The following ACAP2 variants were observed in gnomAD, a reference collection of about 807,000 sequenced individuals.
The protein encoded by ACAP2 is ArfGAP with coiled-coil, ankyrin repeat and PH domains 2, also known as arf-GAP with coiled-coil, ANK repeat and PH domain-containing protein 2.
A neutral mutation model predicts 115.8 loss-of-function variants in ACAP2; 39 were observed. The observed-to-expected ratio is 0.34, with a 90% CI of 0.26 to 0.44. The LOEUF is 0.44. Ranked by LOEUF, ACAP2 falls within the 20% of genes least tolerant of loss-of-function variation. The pLI is 1.00. For synonymous variants in ACAP2, 289 were observed against 315.8 expected (o/e 0.92, Z 0.90); for missense variants, 662 against 927.6 (o/e 0.71, Z 3.72).
At chr3:195,317,499 C>G (rs1729173882) in intron 10 of ACAP2, among the ~76,000 whole-genome samples, 1 of 151,866 alleles carries the variant, frequency 6.6e-6, no homozygotes, top group South Asian at 2.1e-4. Context: ...TTATTTTTGG[C>G]AAAAATAGAG....
intron 7 of ACAP2, among the ~76,000 whole-genome samples, chr3:195,334,343 T>C (rs1225593021): frequency 1.3e-5 from 2 of 151,982 alleles, no homozygotes; most frequent in Non-Finnish European, 2.9e-5. Flanking sequence ...CAATAAATTA[T>C]TTTAAAAATT....
intron 1 of ACAP2, among the ~76,000 whole-genome samples, chr3:195,428,575 AC>A (rs1714866954): frequency 6.6e-6 from 1 of 152,058 alleles, no homozygotes; most frequent in Non-Finnish European, 1.5e-5. Flanking sequence ...GTATCCTAGG[AC>A]CCAGAGGCTA....
intron 9 of ACAP2, chr3:195,325,505 A>C (rs1229500817): frequency 4.9e-6 from 2 of 411,972 alleles, no homozygotes; most frequent in Non-Finnish European, 9.3e-6. Context: ...CATAATAAGC[A>C]AAAAATAGCA....
chr3:195,375,340 C>G (rs1733452310), intron 4 of ACAP2, among the ~76,000 whole-genome samples: 1 of 151,972 alleles, frequency 6.6e-6, no homozygotes, highest in African/African-American at 2.4e-5. Flanking sequence ...GTGCCCTTAT[C>G]TCCCCATGAA....
chr3:195,382,591 T>C (rs1167786541), intron 2 of ACAP2, among the ~76,000 whole-genome samples: 1 of 151,906 alleles, frequency 6.6e-6, no homozygotes, highest in Non-Finnish European at 1.5e-5. Context: ...CTTGGGTAAA[T>C]GTCAAATATT....
intron 5 of ACAP2, among the ~76,000 whole-genome samples, chr3:195,344,597 T>C (rs1263090110): frequency 6.6e-6 from 1 of 152,136 alleles, no homozygotes; most frequent in African/African-American, 2.4e-5. Flanking sequence ...CTCAGCTCAC[T>C]GCAACCTCCA....
chr3:195,407,401 T>C (rs912998865), intron 1 of ACAP2, among the ~76,000 whole-genome samples: 1 of 151,950 alleles, frequency 6.6e-6, no homozygotes. Context: ...TAGTTATAAA[T>C]GCTCACATTA....
chr3:195,380,356 G>C (rs1733862730), intron 4 of ACAP2, among the ~76,000 whole-genome samples: 1 of 152,080 alleles, frequency 6.6e-6, no homozygotes, highest in Admixed American at 6.5e-5. Context: ...TTACAGACTG[G>C]CTAATAAATT....
chr3:195,437,187 C>A (rs973288695), intron 1 of ACAP2, among the ~76,000 whole-genome samples: 3 of 151,202 alleles, frequency 2.0e-5, no homozygotes, highest in Admixed American at 6.6e-5. Context: ...GCTGGGACTA[C>A]AGGCGTGGGC....
chr3:195,337,105 T>C, intron 6 of ACAP2, 129 bp from the exon 7 acceptor site: 2 of 752,514 alleles, frequency 2.7e-6, no homozygotes, highest in African/African-American at 3.6e-5. Flanking sequence ...AGCTCAAGCT[T>C]TTTCATCCTT....
chr3:195,359,639 TTG>T (rs1732217763), intron 4 of ACAP2, among the ~76,000 whole-genome samples: 2 of 152,138 alleles, frequency 1.3e-5, no homozygotes, highest in Admixed American at 1.3e-4. Context: ...GGCTAATTTT[TTG>T]TATTTTTAGT....
intron 10 of ACAP2, among the ~76,000 whole-genome samples, chr3:195,309,495 G>A (rs969759625): frequency 4.0e-5 from 6 of 150,632 alleles, no homozygotes; most frequent in African/African-American, 7.3e-5. Context: ...GCAGTGAGCC[G>A]AGATCACGCC....
intron 1 of ACAP2, among the ~76,000 whole-genome samples, chr3:195,418,168 T>C (rs1388962215): frequency 6.6e-6 from 1 of 152,192 alleles, no homozygotes. Flanking sequence ...ACGTTGGTAA[T>C]TCCAAATTCG....
rs760720158 is a variant in ACAP2 at position 195,381,952 on chromosome 3, T to C, written c.182A>G (p.Asn61Ser). Residue 61 changes from asparagine to serine, a missense_variant, in exon 3 of 23, where the codon AAT (asparagine) becomes AGT (serine). This residue lies in a region of ACAP2 where 401 missense variants were observed against 604.4 expected (regional missense o/e 0.66). Coordinates refer to ENST00000326793, the MANE Select transcript of ACAP2 (RefSeq NM_012287.6). ...AFCVANKQFM[N>S]GIRDLAQYSS... is the part of the protein sequence containing the mutation. ...ATACTGAGCCAGGTCTCGAATCCCA[T>C]TCATGAACTGTTTATTTGCAACACA... is the stretch of plus-strand genomic sequence containing the variant. 4 of 1,612,938 alleles carry C rather than the reference T, an allele frequency of 2.5e-6. No homozygotes were observed. Among genetic ancestry groups the C allele is most frequent in the African/African-American group, 2.7e-5 (2 of 74,820 alleles).
rs1300218155 is a variant in ACAP2 at position 195,307,231 on chromosome 3, C to T, written c.1002G>A (p.Ser334=). 6.2e-7 allele frequency: 1 copy of T among 1,612,106 alleles called. No individual in the cohort carries two copies. Among genetic ancestry groups the T allele is most frequent in the Non-Finnish European group, 8.5e-7 (1 of 1,178,714 alleles). The change falls in exon 12 of 23, where the codon TCG becomes TCA. Residue 334 remains serine (S), a synonymous_variant. Coordinates refer to ENST00000326793, the MANE Select transcript of ACAP2 (RefSeq NM_012287.6). The part of the protein sequence containing the change: ...IERRFCFEVV[S]PTKSCMLQAD... The stretch of plus-strand genomic sequence containing the variant: ...CCTTTAGAACCACTTACTTTGTTGG[C>T]GAGACCACCTCAAAGCAGAATCGTC...
intron 1 of ACAP2, among the ~76,000 whole-genome samples, chr3:195,432,709 A>C (rs1715229023): frequency 6.6e-6 from 1 of 152,158 alleles, no homozygotes. Flanking sequence ...CAGCTTGACA[A>C]TTTCTTCAAA....
At chr3:195,289,803 CAAAAAAA>C (rs35498756) in intron 20 of ACAP2, among the ~76,000 whole-genome samples, 2 of 111,992 alleles carry the variant, frequency 1.8e-5, no homozygotes, top group Non-Finnish European at 3.5e-5. Flanking sequence ...GACTCCGTCT[CAAAAAAA>C]AAAAAAAAAA....
At chr3:195,396,048 C>G (rs1711746587) in intron 1 of ACAP2, among the ~76,000 whole-genome samples, 1 of 151,852 alleles carries the variant, frequency 6.6e-6, no homozygotes, top group Non-Finnish European at 1.5e-5. Context: ...GTCAGGAGTT[C>G]AAGACCAGCC....
At position 195,437,797 on chromosome 3, in the gene ACAP2, A is replaced by G. The variant is rs1715657579; in HGVS notation, c.53+4998T>C. Among the ~76,000 whole-genome samples, 3 of 128,564 alleles carry G rather than the reference A, an allele frequency of 2.3e-5. No individual in the cohort carries two copies. The South Asian group carries it at 9.2e-4, about 39-fold the overall frequency. 84.3% of individuals were successfully genotyped at this position (128,564 alleles called of 152,430 possible). A position where few individuals can be genotyped will look rare whatever the true frequency, so the allele number is the denominator to read the frequency against. ...ACCACTGCACTCCAGCCTGGGCGACAGTGTGAGACTCTGTCTCAAAAAAAA... is the reference window on the plus strand; with the variant it reads ...ACCACTGCACTCCAGCCTGGGCGACGGTGTGAGACTCTGTCTCAAAAAAAA... On this transcript the variant is annotated intron_variant, in intron 1 of 22. Transcript: ENST00000326793.
Sources: allele counts gnomAD v4.1 joint callset (sites outside exome capture counted in the v4.1 genomes callset), GRCh38; gene constraint gnomAD v4.1.1; regional missense constraint gnomAD v4.1.1; transcripts MANE v1.5; gene names NCBI Gene and HGNC (gene_info 2026-07-23, HGNC 2026-07-21).